TRIM9: variants seen among roughly 807,000 people sequenced by gnomAD.
TRIM9 encodes the protein E3 ubiquitin-protein ligase TRIM9.
In TRIM9, 26 loss-of-function variants were observed where a neutral mutation model predicts 78.3. That is an observed-to-expected ratio of 0.33 (90% CI 0.24 to 0.46). TRIM9 has a LOEUF of 0.46. TRIM9 is among the 20% of genes least tolerant of loss of function. TRIM9 has a pLI of 1.00. For synonymous variants in TRIM9, 398 were observed against 416.5 expected (o/e 0.96, Z 0.54); for missense variants, 787 against 1,036.4 (o/e 0.76, Z 3.30).
chr14:51,015,505 C>CTTTTTTTT lies in TRIM9; in HGVS notation c.1042-5019_1042-5012dup, dbSNP rs369652663. On this transcript the variant is annotated intron_variant, in intron 3 of 12. Transcript: ENST00000684578. ...AATGCTTTTTTCTTTCTTTACTTTT[C>CTTTTTTTT]TTTTTTTTTTTTTTTTTTTTTTTTT... 8.6e-3 allele frequency among the ~76,000 whole-genome samples: 527 copies of CTTTTTTTT among 61,320 alleles called. 56 individuals are homozygous for CTTTTTTTT. The highest frequency in any genetic ancestry group is 0.012 in the Non-Finnish European group (397 of 34,512). The allele number at this position is 61,320 out of a possible 152,430, so 40.2% of individuals were successfully genotyped here. A position where few individuals can be genotyped will look rare whatever the true frequency, so the allele number is the denominator to read the frequency against.
chr14:51,056,128 T>C (rs1171775579), intron 1 of TRIM9, among the ~76,000 whole-genome samples: 1 of 152,196 alleles, frequency 6.6e-6, no homozygotes, highest in Non-Finnish European at 1.5e-5. Flanking sequence ...TCTACAATGG[T>C]ACAAAAATTA....
At chr14:50,987,515 T>C (rs2052874173) in intron 7 of TRIM9, among the ~76,000 whole-genome samples, 1 of 152,232 alleles carries the variant, frequency 6.6e-6, no homozygotes, top group African/African-American at 2.4e-5. Context: ...TTGCTATTTA[T>C]GGAGTCAAGA....
chr14:51,069,620 G>A (rs528853972), intron 1 of TRIM9, among the ~76,000 whole-genome samples: 3 of 152,326 alleles, frequency 2.0e-5, no homozygotes, highest in East Asian at 3.9e-4. Context: ...CATTGTTGGT[G>A]TTTTTAATTT....
intron 3 of TRIM9, among the ~76,000 whole-genome samples, chr14:51,020,873 C>T (rs746881818): frequency 1.2e-4 from 19 of 152,188 alleles, no homozygotes; most frequent in Non-Finnish European, 2.4e-4. Flanking sequence ...GTTGCCCTAC[C>T]ATCACCATGT....
intron 7 of TRIM9, among the ~76,000 whole-genome samples, chr14:50,990,549 T>C (rs2139400295): frequency 6.6e-6 from 1 of 152,314 alleles, no homozygotes; most frequent in South Asian, 2.1e-4. Context: ...TTTTTGCAGA[T>C]GTTGTAGAAT....
chr14:51,041,178 T>C (rs1295228835), intron 1 of TRIM9, among the ~76,000 whole-genome samples: 3 of 152,252 alleles, frequency 2.0e-5, no homozygotes, highest in African/African-American at 7.2e-5. Context: ...ATGGTTTCCA[T>C]GACAACAGTT....
intron 1 of TRIM9, among the ~76,000 whole-genome samples, chr14:51,054,568 C>G (rs61985052): frequency 0.34 from 51,128 of 151,678 alleles, 8,932 homozygotes; most frequent in South Asian, 0.53. Context: ...GAGCCATTGC[C>G]GCCGGCCAAT....
chr14:51,030,608 CAT>C (rs1365560958), intron 1 of TRIM9, among the ~76,000 whole-genome samples: 15 of 151,976 alleles, frequency 9.9e-5, no homozygotes, highest in Non-Finnish European at 1.6e-4. Context: ...TATGAGTGTG[CAT>C]ATGCCTGTGA....
In TRIM9 at chr14:51,019,463, G is replaced by A. The variant is rs2057538002; in HGVS notation, c.1041+3372C>T. 1.3e-5 allele frequency among the ~76,000 whole-genome samples: 2 copies of A among 151,910 alleles called. 1 individual carries two copies. Among genetic ancestry groups the A allele is most frequent in the Admixed American group, 1.3e-4 (2 of 15,266 alleles). ...CTGCATATGTCTCCAAAGCTTTTTT[G>A]CTTTTTTTTAGCTCATCAAACTTTG... On this transcript the variant is annotated intron_variant, in intron 3 of 12. Transcript: ENST00000684578.
intron 12 of TRIM9, 126 bp from the exon 13 acceptor site, chr14:50,977,479 G>A: frequency 1.6e-6 from 1 of 629,680 alleles, no homozygotes; most frequent in Non-Finnish European, 2.3e-6. Context: ...ATCTAGGCTA[G>A]CAGGCATTAA....
At chr14:51,075,517 T>C (rs969297132) in intron 1 of TRIM9, among the ~76,000 whole-genome samples, 1 of 152,152 alleles carries the variant, frequency 6.6e-6, no homozygotes, top group Admixed American at 6.5e-5. Context: ...TCCAATCTAG[T>C]TTACACAAAG....
At chr14:51,023,079 G>A in intron 2 of TRIM9, 122 bp from the exon 3 acceptor site, 1 of 1,329,888 alleles carries the variant, frequency 7.5e-7, no homozygotes, top group South Asian at 1.4e-5. Flanking sequence ...ATGCACATTT[G>A]GTAATTTTAA....
intron 1 of TRIM9, among the ~76,000 whole-genome samples, chr14:51,048,317 C>G (rs2060113009): frequency 6.6e-6 from 1 of 152,230 alleles, no homozygotes; most frequent in Non-Finnish European, 1.5e-5. Flanking sequence ...TGACAGTTCT[C>G]AGCTTACAGA....
In TRIM9 at chr14:50,981,906, T is replaced by C. The variant is rs758291706; in HGVS notation, c.2056A>G (p.Met686Val). 2.0e-5 allele frequency: 32 copies of C among 1,614,014 alleles called. No homozygotes were observed. The East Asian group carries it at 6.9e-4, about 35-fold the overall frequency. Residue 686 changes from methionine to valine, a missense_variant, in exon 11 of 13, where the codon ATG becomes GTG. Coordinates refer to ENST00000684578, the MANE Select transcript of TRIM9 (RefSeq NM_001387360.1). ...HPDPAFGVAR[M>V]DVMKDVMLGK... is the part of the protein sequence containing the mutation. ...AACATCACATCCTTCATCACGTCCA[T>C]GCGAGCCACACCAAAGGCAGGATCA... is the stretch of plus-strand genomic sequence containing the variant.
chr14:51,042,113 CAA>C (rs559518907), intron 1 of TRIM9, among the ~76,000 whole-genome samples: 167 of 152,290 alleles, frequency 1.1e-3, no homozygotes, highest in African/African-American at 3.8e-3. Context: ...CTGCAAAATG[CAA>C]AGTTGATAGC....
chr14:50,990,332 T>C (rs928818079), intron 7 of TRIM9, among the ~76,000 whole-genome samples: 9 of 152,218 alleles, frequency 5.9e-5, no homozygotes, highest in Admixed American at 5.2e-4. Context: ...ATTTCTTTTA[T>C]TTGTTCATTA....
At chr14:51,047,785 A>G (rs1220788793) in intron 1 of TRIM9, among the ~76,000 whole-genome samples, 2 of 152,224 alleles carry the variant, frequency 1.3e-5, no homozygotes, top group Non-Finnish European at 2.9e-5. Flanking sequence ...AAAGCTTTCA[A>G]TTGGGGGAAC....
intron 1 of TRIM9, among the ~76,000 whole-genome samples, chr14:51,091,935 C>T (rs2064374696): frequency 6.6e-6 from 1 of 152,082 alleles, no homozygotes; most frequent in Non-Finnish European, 1.5e-5. Context: ...TGGGGCTTGA[C>T]AGAGATTTAA....
chr14:51,010,387 C>T lies in TRIM9; in HGVS notation c.1149G>A (p.Leu383=), dbSNP rs1165384272. The change falls in exon 4 of 13, where the codon TTG becomes TTA. Residue 383 remains leucine (L), a synonymous_variant. Transcript: ENST00000684578. ...GCAGAAACTAGTTAACTCTTACCTG[C>T]AAAAAACCACTAGGATCATTTTCCT... ...VIKENDPSGF[L]QISDALIRRV... is the part of the protein sequence containing the mutation. 2 of 1,612,750 alleles carry T rather than the reference C, an allele frequency of 1.2e-6. No individual in the cohort carries two copies. The highest frequency in any genetic ancestry group is 1.7e-4 in the Middle Eastern group (1 of 6,060).
Sources: allele counts gnomAD v4.1 joint callset (sites outside exome capture counted in the v4.1 genomes callset), GRCh38; gene constraint gnomAD v4.1.1; transcripts MANE v1.5; gene names NCBI Gene and HGNC (gene_info 2026-07-23, HGNC 2026-07-21).